Variants in PIK3CB observed in about 807,000 individuals in gnomAD.
PIK3CB encodes phosphatidylinositol-4,5-bisphosphate 3-kinase catalytic subunit beta.
A neutral mutation model predicts 136.8 loss-of-function variants in PIK3CB; 39 were observed. The ratio of observed to expected loss-of-function variants is 0.29; its 90% CI spans 0.22 to 0.37. PIK3CB has a LOEUF of 0.37. PIK3CB is among the 10% of genes least tolerant of loss of function. The pLI is 1.00. For missense variants in PIK3CB, 868 were observed against 1,275.4 expected, an observed-to-expected ratio of 0.68 and a Z score of 4.87; for synonymous variants, 428 against 436.6, an observed-to-expected ratio of 0.98 and a Z score of 0.25.
chr3:138,663,444 C>T (rs907808805), intron 21 of PIK3CB, among the ~76,000 whole-genome samples: 7 of 152,128 alleles, frequency 4.6e-5, no homozygotes, highest in South Asian at 4.1e-4. Flanking sequence ...CACAGTGAGG[C>T]GATCTCGGCT....
At chr3:138,723,831 G>A (rs2108612406) in intron 8 of PIK3CB, among the ~76,000 whole-genome samples, 1 of 151,982 alleles carries the variant, frequency 6.6e-6, no homozygotes, top group East Asian at 1.9e-4. Context: ...TCCACAATAT[G>A]GCCAAAATCC....
At chr3:138,811,732 C>G (rs557274140) in intron 1 of PIK3CB, among the ~76,000 whole-genome samples, 1 of 151,704 alleles carries the variant, frequency 6.6e-6, no homozygotes, top group South Asian at 2.1e-4. Flanking sequence ...CCCTGATATG[C>G]AAGAAAATTT....
At chr3:138,781,356 G>T (rs1322574614) in intron 2 of PIK3CB, among the ~76,000 whole-genome samples, 1 of 151,868 alleles carries the variant, frequency 6.6e-6, no homozygotes, top group Non-Finnish European at 1.5e-5. Context: ...GCTCATAGCT[G>T]TAATCTTAGC....
chr3:138,700,731 A>AT (rs1192983981), intron 12 of PIK3CB, among the ~76,000 whole-genome samples: 2 of 149,858 alleles, frequency 1.3e-5, no homozygotes, highest in Non-Finnish European at 2.9e-5. Flanking sequence ...AGATAGATAG[A>AT]TAGATAGATA....
chr3:138,800,793 T>A (rs1322047453), intron 1 of PIK3CB, among the ~76,000 whole-genome samples: 1 of 151,904 alleles, frequency 6.6e-6, no homozygotes, highest in Admixed American at 6.6e-5. Context: ...CCCAGCTAAT[T>A]TTTATAGTTT....
intron 1 of PIK3CB, among the ~76,000 whole-genome samples, chr3:138,820,367 T>TA (rs1353222704): frequency 6.6e-6 from 1 of 152,220 alleles, no homozygotes; most frequent in East Asian, 1.9e-4. Flanking sequence ...TACTCATTAA[T>TA]AGGAATAAAT....
At chr3:138,767,772 C>G (rs2045752677) in intron 2 of PIK3CB, among the ~76,000 whole-genome samples, 1 of 152,192 alleles carries the variant, frequency 6.6e-6, no homozygotes, top group African/African-American at 2.4e-5. Context: ...CCACAAGCAG[C>G]TTCCACAGCT....
intron 2 of PIK3CB, among the ~76,000 whole-genome samples, chr3:138,795,813 A>C (rs1395178928): frequency 6.6e-6 from 1 of 151,946 alleles, no homozygotes; most frequent in Non-Finnish European, 1.5e-5. Context: ...TTTACTCTTC[A>C]CTCCACTGCA....
chr3:138,682,740 C>T (rs1208309646), intron 18 of PIK3CB, among the ~76,000 whole-genome samples: 1 of 152,064 alleles, frequency 6.6e-6, no homozygotes, highest in Non-Finnish European at 1.5e-5. Flanking sequence ...TTAGCAAAAC[C>T]CTATGAGTTC....
intron 5 of PIK3CB, among the ~76,000 whole-genome samples, 176 bp downstream of exon 5, chr3:138,742,382 G>A (rs2045263290): frequency 6.6e-6 from 1 of 152,038 alleles, no homozygotes; most frequent in Non-Finnish European, 1.5e-5. Context: ...TACGTGTACA[G>A]AATATCACTT....
chr3:138,737,959 TATGTAATAATATGTACAA>T, intron 5 of PIK3CB, 73 bp from the exon 6 acceptor site: 1 of 820,134 alleles, frequency 1.2e-6, no homozygotes. Context: ...TTACAATCAT[TATGTAATAATATGTACAA>T]ATGTACATAA....
chr3:138,810,995 G>A (rs1011720601), intron 1 of PIK3CB, among the ~76,000 whole-genome samples: 1 of 151,966 alleles, frequency 6.6e-6, no homozygotes. Context: ...TTGGGAGGCC[G>A]AGATGGGCAG....
chr3:138,816,252 T>C (rs1431568316), intron 1 of PIK3CB, among the ~76,000 whole-genome samples: 1 of 152,066 alleles, frequency 6.6e-6, no homozygotes, highest in Admixed American at 6.6e-5. Context: ...GTAGTGAGCC[T>C]GGGCAACAGA....
chr3:138,717,207 TTGTGCCACTGCACTCCAGTC>T (rs2044628957), intron 8 of PIK3CB, among the ~76,000 whole-genome samples: 1 of 150,734 alleles, frequency 6.6e-6, no homozygotes, highest in Admixed American at 6.6e-5. Context: ...TGAGCCAAGA[TTGTGCCACTGCACTCCAGTC>T]TGGGCAACAG....
intron 1 of PIK3CB, among the ~76,000 whole-genome samples, chr3:138,799,355 A>G (rs993225962): frequency 2.6e-5 from 4 of 151,074 alleles, no homozygotes; most frequent in African/African-American, 4.9e-5. Context: ...TTTTTTTTGT[A>G]TATTTAGTAG....
intron 8 of PIK3CB, among the ~76,000 whole-genome samples, chr3:138,724,367 A>C (rs1261213981): frequency 6.6e-6 from 1 of 152,188 alleles, no homozygotes; most frequent in South Asian, 2.1e-4. Flanking sequence ...TTGTCCCCAT[A>C]GAATTTGGCT....
chr3:138,686,300 G>A (rs560194560), intron 16 of PIK3CB, among the ~76,000 whole-genome samples: 80 of 151,354 alleles, frequency 5.3e-4, no homozygotes, highest in Admixed American at 2.6e-3. Flanking sequence ...TTAGCCAAGC[G>A]TGGTGGCGCA....
intron 19 of PIK3CB, among the ~76,000 whole-genome samples, chr3:138,681,050 T>G (rs1294129939): frequency 6.8e-6 from 1 of 147,610 alleles, no homozygotes; most frequent in Non-Finnish European, 1.5e-5. Flanking sequence ...AGTTTTTTTT[T>G]TGTTTTTTTT....
chr3:138,725,520 AATTTTTCTCCC>A (rs2044819002), intron 8 of PIK3CB, among the ~76,000 whole-genome samples: 1 of 152,144 alleles, frequency 6.6e-6, no homozygotes, highest in South Asian at 2.1e-4. Flanking sequence ...GGCTCTATCG[AATTTTTCTCCC>A]ATTTTTCTCT....
Sources: gnomAD v4.1 joint callset for allele counts (sites outside exome capture counted in the v4.1 genomes callset) on GRCh38, gnomAD v4.1.1 for gene constraint, MANE v1.5 for transcripts, NCBI Gene and HGNC (gene_info 2026-07-23, HGNC 2026-07-21) for gene names.